The following SPATA13 variants were observed in gnomAD, a reference collection of about 807,000 sequenced individuals.
The protein encoded by SPATA13 is spermatogenesis-associated protein 13.
In SPATA13, 50 loss-of-function variants were observed where a neutral mutation model predicts 104.0. The observed-to-expected ratio is 0.48, with a 90% confidence interval of 0.38 to 0.61. SPATA13 has a LOEUF of 0.61. Ranked by LOEUF, SPATA13 falls within the 20% of genes least tolerant of loss-of-function variation. SPATA13 has a pLI of 0.00. For missense variants in SPATA13, 1,524 were observed against 1,690.6 expected, an observed-to-expected ratio of 0.90 and a Z score of 1.73; for synonymous variants, 606 against 667.5, an observed-to-expected ratio of 0.91 and a Z score of 1.42.
At chr13:24,301,857 T>C (rs944946459) in intron 12 of SPATA13, among the ~76,000 whole-genome samples, 2 of 152,256 alleles carry the variant, frequency 1.3e-5, no homozygotes, top group African/African-American at 2.4e-5. Flanking sequence ...TGATTAGATA[T>C]TGAGGGCACA....
Position 24,224,187 on chromosome 13 carries a change from G to A in SPATA13, c.1258G>A (p.Val420Met). 6.4e-7 allele frequency: 1 copy of A among 1,551,772 alleles called. No homozygotes were observed. The highest frequency in any genetic ancestry group is 8.7e-7 in the Non-Finnish European group (1 of 1,147,006). ...TCTTGAAACCAAAAGTTCCTGGGCG[G>A]TGGAAAGCGACAGTTCCTGCACTTG... ...FPLETKSSWA[V>M]ESDSSCTCSS... The change falls in exon 2 of 13, where the codon GTG becomes ATG. Residue 420 changes from valine to methionine, a missense_variant. This residue lies in a region of SPATA13 where 1,089 missense variants were observed against 1,135.9 expected (regional missense o/e 0.96). Transcript: ENST00000382108.
At chr13:24,159,692 TAC>T (rs1055495979), upstream of SPATA13, among the ~76,000 whole-genome samples, 3 of 152,234 alleles carry the variant, frequency 2.0e-5, no homozygotes, top group Non-Finnish European at 2.9e-5. Flanking sequence ...TATAATGTCA[TAC>T]AGAGTTTTTT....
At chr13:24,299,687 A>T (rs1877044905) in intron 11 of SPATA13, among the ~76,000 whole-genome samples, 1 of 152,178 alleles carries the variant, frequency 6.6e-6, no homozygotes, top group Non-Finnish European at 1.5e-5. Flanking sequence ...AGCTCTGCCA[A>T]GCTGGAGCGA....
At position 24,231,501 on chromosome 13, in the gene SPATA13, A is replaced by G. The variant is rs77501405; in HGVS notation, c.1653+6919A>G. Reference sequence around the variant, plus strand: ...CTATACCGCACTTTGTTATCTGTTCATCTGTTGATGGAGATGGGTTGTTTC... The same window carrying G: ...CTATACCGCACTTTGTTATCTGTTCGTCTGTTGATGGAGATGGGTTGTTTC... On this transcript the variant is annotated intron_variant, in intron 2 of 12. Coordinates refer to ENST00000382108, the MANE Select transcript of SPATA13 (RefSeq NM_001166271.3). Among the ~76,000 whole-genome samples, 29 of 152,264 alleles carry G rather than the reference A, an allele frequency of 1.9e-4. No individual in the cohort carries two copies. In the East Asian group the frequency reaches 5.4e-3, roughly 28 times the overall value.
rs1869641707 is a variant in SPATA13 at position 24,190,347 on chromosome 13, AATATT to A, written c.-112+29420_-112+29424del. On this transcript the variant is annotated intron_variant, in intron 1 of 12. Coordinates refer to ENST00000382108, the MANE Select transcript of SPATA13 (RefSeq NM_001166271.3). ...TTATATATTATTATATATAATATAT[AATATT>A]ATATATTATTATATATAATATATAA... 2.4e-4 allele frequency among the ~76,000 whole-genome samples: 2 copies of A among 8,190 alleles called. 1 individual carries two copies. The highest frequency in any genetic ancestry group is 2.7e-4 in the African/African-American group (2 of 7,498). The allele number at this position is 8,190 out of a possible 152,430, so 5.4% of individuals were successfully genotyped here. A position where few individuals can be genotyped will look rare whatever the true frequency, so the allele number is the denominator to read the frequency against.
intron 3 of SPATA13, among the ~76,000 whole-genome samples, chr13:24,126,376 C>T (rs1043339304): frequency 6.6e-6 from 1 of 152,162 alleles, no homozygotes; most frequent in South Asian, 2.1e-4. Context: ...CTGCCACACT[C>T]TGCTCTGACC....
chr13:23,985,764 A>G (rs906051664), intron 2 of SPATA13, among the ~76,000 whole-genome samples: 1 of 152,212 alleles, frequency 6.6e-6, no homozygotes, highest in East Asian at 1.9e-4. Context: ...AGAAGGATAC[A>G]CAGGCAACAT....
chr13:24,102,580 T>G (rs937536991), intron 3 of SPATA13, among the ~76,000 whole-genome samples: 9 of 151,906 alleles, frequency 5.9e-5, no homozygotes, highest in Admixed American at 4.6e-4. Context: ...GATTAGGTGA[T>G]TCTCCTTCCT....
At chr13:23,982,056 C>T (rs903061129) in intron 1 of SPATA13, among the ~76,000 whole-genome samples, 1 of 152,160 alleles carries the variant, frequency 6.6e-6, no homozygotes, top group African/African-American at 2.4e-5. Context: ...GATTTTAAAA[C>T]ATGTAAAGAT....
At chr13:24,148,367 A>ATT (rs59988914) in intron 3 of SPATA13, among the ~76,000 whole-genome samples, 3 of 150,772 alleles carry the variant, frequency 2.0e-5, no homozygotes, top group Admixed American at 6.6e-5. Context: ...TTGTTTTTTT[A>ATT]TTTTTTTTTC....
Position 24,289,114 on chromosome 13 carries a change from T to A in SPATA13, c.2783T>A (p.Leu928His), listed in dbSNP as rs1273466371. ...TTCCAAAGAAAGTTTCTGAAAGACC[T>A]TGAGAAACAGTACAACAAAGAGGAA... ...YKFQRKFLKDLEKQYNKEEPH... is the reference protein window; with the variant it reads ...YKFQRKFLKDHEKQYNKEEPH... The change falls in exon 8 of 13, where the codon CTT (leucine) becomes CAT (histidine). Residue 928 changes from leucine (L) to histidine (H), a missense_variant. Leu to His is a moderately conservative substitution (Grantham distance 99). Around this residue, in one of 2 missense-constraint regions of SPATA13, gnomAD observed 435 missense variants for 554.8 expected, o/e 0.78. Coordinates refer to ENST00000382108, the MANE Select transcript of SPATA13 (RefSeq NM_001166271.3). 1 of 1,613,558 alleles carries A rather than the reference T, an allele frequency of 6.2e-7. No homozygotes were observed. Among genetic ancestry groups the A allele is most frequent in the South Asian group, 1.1e-5 (1 of 90,936 alleles).
chr13:24,066,876 TAGAC>T (rs1296244118), intron 3 of SPATA13, among the ~76,000 whole-genome samples: 2 of 152,254 alleles, frequency 1.3e-5, no homozygotes, highest in African/African-American at 4.8e-5. Context: ...GGCAGACTGG[TAGAC>T]AGCCATAGAA....
Position 24,284,210 on chromosome 13 carries a change from A to G in SPATA13, c.2240A>G (p.Asp747Gly), listed in dbSNP as rs1293867873. Residue 747 changes from aspartate to glycine, a missense_variant, in exon 5 of 13, where the codon GAC becomes GGC. Around this residue, in one of 2 missense-constraint regions of SPATA13, gnomAD observed 1,089 missense variants for 1,135.9 expected, o/e 0.96. Coordinates refer to ENST00000382108, the MANE Select transcript of SPATA13 (RefSeq NM_001166271.3). ...NGSEEDFSYE[D>G]LCQASPRYLQ... ...AGTGAGGAGGACTTCAGCTATGAAG[A>G]CCTCTGCCAGGCCAGCCCTCGGTAC... The G allele has an allele frequency of 6.2e-7, 1 of 1,613,528 alleles. No individual in the cohort carries two copies. Among genetic ancestry groups the G allele is most frequent in the Non-Finnish European group, 8.5e-7 (1 of 1,179,794 alleles).
intron 3 of SPATA13, among the ~76,000 whole-genome samples, chr13:24,147,497 T>C (rs1411298969): frequency 5.9e-5 from 9 of 152,164 alleles, no homozygotes; most frequent in Non-Finnish European, 1.2e-4. Context: ...GAAGTGGTGA[T>C]TGCTCGGTGC....
chr13:24,089,710 T>C (rs1879852783), intron 3 of SPATA13, among the ~76,000 whole-genome samples: 1 of 152,212 alleles, frequency 6.6e-6, no homozygotes, highest in Non-Finnish European at 1.5e-5. Flanking sequence ...TTATCTGAAA[T>C]TCAAATTTCA....
intron 3 of SPATA13, among the ~76,000 whole-genome samples, chr13:24,126,462 G>A (rs865951089): frequency 9.2e-5 from 14 of 152,146 alleles, no homozygotes; most frequent in South Asian, 2.1e-4. Flanking sequence ...TAAAACCCAC[G>A]ACAATTGTGT....
In SPATA13 at chr13:24,297,370, A is replaced by G; in HGVS notation, c.3218A>G (p.Asp1073Gly). ...QVSIVGWEGL[D>G]ILDRSSELIH... is the part of the protein sequence containing the mutation. ...GTGTTTTCATCCTTCCAGGGACTGG[A>G]TATCTTAGACCGAAGCTCAGAATTG... Residue 1073 changes from aspartate to glycine, a missense_variant, in exon 11 of 13, where the codon GAT (aspartate) becomes GGT (glycine). Around this residue, in one of 2 missense-constraint regions of SPATA13, gnomAD observed 435 missense variants for 554.8 expected, o/e 0.78. Transcript: ENST00000382108. 1.2e-6 allele frequency: 2 copies of G among 1,608,290 alleles called. No individual in the cohort carries two copies. The highest frequency in any genetic ancestry group is 1.1e-5 in the South Asian group (1 of 91,034).
At chr13:24,268,528 G>A (rs895339231) in intron 4 of SPATA13, among the ~76,000 whole-genome samples, 3 of 151,978 alleles carry the variant, frequency 2.0e-5, no homozygotes, top group African/African-American at 7.3e-5. Context: ...GGAGGCCGAG[G>A]TGGGCAGACC....
chr13:24,212,099 T>C (rs2138590378), intron 1 of SPATA13, among the ~76,000 whole-genome samples: 1 of 152,196 alleles, frequency 6.6e-6, no homozygotes, highest in African/African-American at 2.4e-5. Flanking sequence ...TCAAGTCTCA[T>C]AGGAAGTTCT....
Sources: allele counts gnomAD v4.1 joint callset (sites outside exome capture counted in the v4.1 genomes callset), GRCh38; gene constraint gnomAD v4.1.1; regional missense constraint gnomAD v4.1.1; transcripts MANE v1.5; gene names NCBI Gene and HGNC (gene_info 2026-07-23, HGNC 2026-07-21).